The following CHM variants were observed in gnomAD, a reference collection of about 807,000 sequenced individuals.
The protein encoded by CHM is rab proteins geranylgeranyltransferase component A 1.
Under a neutral mutation model 49.0 loss-of-function variants are expected in CHM, and 10 were observed. The ratio of observed to expected loss-of-function variants is 0.20; its 90% CI spans 0.13 to 0.35. CHM has a LOEUF of 0.35. Among genes scored for constraint, CHM ranks in the 10% least tolerant of loss-of-function variants. The pLI is 1.00. For synonymous variants in CHM, 184 were observed against 167.5 expected (o/e 1.10, Z -0.76); for missense variants, 455 against 478.4 (o/e 0.95, Z 0.46).
intron 4 of CHM, among the ~76,000 whole-genome samples, chrX:85,966,156 C>T (rs1330003008): frequency 9.1e-6 from 1 of 110,438 alleles, no homozygotes; most frequent in Non-Finnish European, 1.9e-5. Flanking sequence ...TCAAGACCAG[C>T]CTGACCAACA....
chrX:85,978,715 A>T, intron 4 of CHM, 52 bp downstream of exon 4: 1 of 1,132,718 alleles, frequency 8.8e-7, no homozygotes, highest in Non-Finnish European at 1.2e-6. Flanking sequence ...TCTTCTAAAG[A>T]AGAGTGAAAA....
intron 9 of CHM, among the ~76,000 whole-genome samples, chrX:85,901,809 A>C (rs868240387): frequency 6.3e-5 from 7 of 111,982 alleles, no homozygotes; most frequent in Middle Eastern, 4.2e-3. Flanking sequence ...GTTTCCAAAT[A>C]AGGAAAACAC....
chrX:85,930,347 T>C (rs1319327930), intron 8 of CHM, among the ~76,000 whole-genome samples: 2 of 111,232 alleles, frequency 1.8e-5, no homozygotes, highest in African/African-American at 6.6e-5. Context: ...CCTCAATCTT[T>C]GGACAGGGAA....
Position 85,878,863 on chromosome X carries a change from A to G in CHM, c.1609+102T>C. On this transcript the variant is annotated intron_variant, in intron 13 of 14. Coordinates refer to ENST00000357749, the MANE Select transcript of CHM (RefSeq NM_000390.4). ...AAACATGTGAATTGTTGTTGAATAC[A>G]TCCCATTTCAGTTCAGGTTGCAGAA... 6 of 574,371 alleles carry G rather than the reference A, an allele frequency of 1.0e-5. No homozygotes were observed. In the South Asian group the frequency reaches 1.3e-4, roughly 12 times the overall value. The allele number at this position is 574,371 out of a possible 1,213,427, so 47.3% of individuals were successfully genotyped here.
chrX:86,041,084 G>A (rs1934439879), intron 1 of CHM, among the ~76,000 whole-genome samples: 1 of 111,930 alleles, frequency 8.9e-6, no homozygotes, highest in Non-Finnish European at 1.9e-5. Flanking sequence ...ACATGAGAAT[G>A]TAATGGTGGG....
chrX:85,963,122 GTCATCTACATACCCA>G (rs1276994453), intron 5 of CHM, among the ~76,000 whole-genome samples: 1 of 111,156 alleles, frequency 9.0e-6, no homozygotes, highest in Non-Finnish European at 1.9e-5. Context: ...CTACATACCC[GTCATCTACATACCCA>G]TCATCTACAT....
intron 12 of CHM, among the ~76,000 whole-genome samples, chrX:85,888,116 C>T (rs188026957): frequency 2.7e-5 from 3 of 111,079 alleles, no homozygotes; most frequent in East Asian, 2.9e-4. Flanking sequence ...TGTCAAGAGA[C>T]CTTTGCAGCA....
At chrX:85,867,133 C>A (rs754581696) in intron 14 of CHM, among the ~76,000 whole-genome samples, 1 of 111,827 alleles carries the variant, frequency 8.9e-6, no homozygotes, top group South Asian at 3.8e-4. Flanking sequence ...ACCCAAATCT[C>A]ATTTGCAATT....
intron 8 of CHM, among the ~76,000 whole-genome samples, chrX:85,938,789 C>A (rs192758323): frequency 9.0e-6 from 1 of 110,522 alleles, no homozygotes; most frequent in East Asian, 2.9e-4. Flanking sequence ...ATCTAGCCAG[C>A]CTTCCGTTGC....
chrX:85,899,860 G>T (rs1048451407), intron 11 of CHM, among the ~76,000 whole-genome samples: 4 of 109,940 alleles, frequency 3.6e-5, no homozygotes, highest in Non-Finnish European at 7.6e-5. Flanking sequence ...ACTGAATGAG[G>T]TTTCATCTCA....
At chrX:85,877,713 T>C (rs1924500105) in intron 13 of CHM, among the ~76,000 whole-genome samples, 1 of 107,638 alleles carries the variant, frequency 9.3e-6, no homozygotes, top group South Asian at 4.0e-4. Flanking sequence ...CCAATAAATA[T>C]ATACGCCTAG....
At chrX:85,973,297 C>T (rs1308689366) in intron 4 of CHM, among the ~76,000 whole-genome samples, 3 of 12,143 alleles carry the variant, frequency 2.5e-4, no homozygotes, top group East Asian at 2.9e-3. Flanking sequence ...GACTCTGTCT[C>T]GACAAAAAAA....
At chrX:85,992,883 C>T (rs961797694) in intron 2 of CHM, among the ~76,000 whole-genome samples, 4 of 112,154 alleles carry the variant, frequency 3.6e-5, no homozygotes, top group Non-Finnish European at 7.5e-5. Context: ...GTCATTAGGG[C>T]TGGAGAGAGA....
At chrX:86,027,718 G>T (rs764820750) in intron 1 of CHM, among the ~76,000 whole-genome samples, 161 bp from the exon 2 acceptor site, 14 of 111,730 alleles carry the variant, frequency 1.3e-4, no homozygotes, top group Non-Finnish European at 2.6e-4. Flanking sequence ...TATACTGTAA[G>T]ATGTTTCTTA....
At chrX:86,005,221 C>A (rs929668290) in intron 2 of CHM, among the ~76,000 whole-genome samples, 1 of 111,959 alleles carries the variant, frequency 8.9e-6, no homozygotes, top group Non-Finnish European at 1.9e-5. Flanking sequence ...CCAATGAGAA[C>A]AAAGACACAA....
intron 14 of CHM, among the ~76,000 whole-genome samples, chrX:85,869,414 T>C (rs112460970): frequency 0.026 from 2,871 of 111,218 alleles, 85 homozygotes; most frequent in African/African-American, 0.089. Context: ...CCCCATAGAA[T>C]AGCTTTTACC....
rs1932176891 is a variant in CHM at position 85,991,337 on chromosome X, C to T, written c.117-9528G>A. On this transcript the variant is annotated intron_variant, in intron 2 of 14. Transcript: ENST00000357749. ...GGCCACACAGTTACAATTTGCAGAA[C>T]TGCAATTGAAACTCAGTTCTCCTGA... 2.7e-5 allele frequency among the ~76,000 whole-genome samples: 3 copies of T among 111,548 alleles called. No homozygotes were observed. In the South Asian group the frequency reaches 1.1e-3, roughly 41 times the overall value.
At chrX:85,959,439 T>C (rs944578355) in intron 5 of CHM, among the ~76,000 whole-genome samples, 3 of 111,160 alleles carry the variant, frequency 2.7e-5, no homozygotes, top group East Asian at 5.6e-4. Flanking sequence ...GATAAGAATC[T>C]ATAGTCTTAC....
At chrX:85,869,324 AATT>A (rs1275332271) in intron 14 of CHM, among the ~76,000 whole-genome samples, 2 of 111,209 alleles carry the variant, frequency 1.8e-5, no homozygotes, top group African/African-American at 3.3e-5. Context: ...TAAATATAAT[AATT>A]ATTATTACTA....
Sources: allele counts gnomAD v4.1 joint callset (sites outside exome capture counted in the v4.1 genomes callset), GRCh38; gene constraint gnomAD v4.1.1; transcripts MANE v1.5; gene names NCBI Gene and HGNC (gene_info 2026-07-23, HGNC 2026-07-21).